The following CELF4 variants were observed in gnomAD, a reference collection of about 807,000 sequenced individuals.
CELF4 encodes the protein CUG-BP- and ETR-3-like factor 4.
In CELF4, 18 loss-of-function variants were observed where a neutral mutation model predicts 59.9. The ratio of observed to expected loss-of-function variants is 0.30; its 90% CI spans 0.21 to 0.45. CELF4 has a LOEUF of 0.45. CELF4 is among the 20% of genes least tolerant of loss of function. The pLI, the probability that CELF4 is intolerant of heterozygous loss-of-function variation, is 1.00. For synonymous variants in CELF4, 261 were observed against 267.1 expected (o/e 0.98, Z 0.22); for missense variants, 456 against 689.0 (o/e 0.66, Z 3.79).
At chr18:37,558,906 G>C (rs1202259227) in intron 1 of CELF4, among the ~76,000 whole-genome samples, 1 of 151,780 alleles carries the variant, frequency 6.6e-6, no homozygotes, top group Non-Finnish European at 1.5e-5. Flanking sequence ...TGGGTGAAGG[G>C]AATTAGCTGC....
intron 3 of CELF4, among the ~76,000 whole-genome samples, chr18:37,307,569 T>A (rs543400906): frequency 1.3e-5 from 2 of 152,000 alleles, no homozygotes; most frequent in Non-Finnish European, 2.9e-5. Context: ...GTCAGTGGCA[T>A]CGGCCCCACT....
At chr18:37,483,120 G>A (rs955444128) in intron 2 of CELF4, among the ~76,000 whole-genome samples, 14 of 152,244 alleles carry the variant, frequency 9.2e-5, no homozygotes, top group Admixed American at 7.2e-4. Context: ...TATTTGGTTG[G>A]GTGAGAGCAT....
rs1233766145 is a variant in CELF4, at chr18:37,243,457, T to C, written c.*1785A>G. ...TGCAAATAAATTATAATAAATATGT[T>C]ATACTTTAAAATATATGTGTTCTTA... On this transcript the variant is annotated 3_prime_UTR_variant, in exon 13 of 13. Transcript: ENST00000420428. The C allele has an allele frequency of 1.3e-5, 2 of 152,180 alleles. No homozygotes were observed. The highest frequency in any genetic ancestry group is 2.9e-5 in the Non-Finnish European group (2 of 68,034). The allele number at this position is 152,180 out of a possible 1,614,324, so 9.4% of individuals were successfully genotyped here. A position where few individuals can be genotyped will look rare whatever the true frequency, so the allele number is the denominator to read the frequency against.
chr18:37,319,311 G>A (rs116803038), intron 3 of CELF4, among the ~76,000 whole-genome samples: 75 of 152,344 alleles, frequency 4.9e-4, no homozygotes, highest in African/African-American at 1.8e-3. Flanking sequence ...CTTCGCTCAC[G>A]TGGGCCCCTC....
intron 2 of CELF4, among the ~76,000 whole-genome samples, chr18:37,469,071 G>T (rs955461823): frequency 6.6e-6 from 1 of 152,236 alleles, no homozygotes; most frequent in African/African-American, 2.4e-5. Flanking sequence ...CCCAGCCTAG[G>T]GAAAGTGGGA....
intron 2 of CELF4, among the ~76,000 whole-genome samples, chr18:37,408,503 GC>G (rs61554851): frequency 0.35 from 10,817 of 30,784 alleles, 771 homozygotes; most frequent in East Asian, 0.5. Flanking sequence ...GGGGGGGGGC[GC>G]GGTGCAGGAG....
intron 2 of CELF4, among the ~76,000 whole-genome samples, chr18:37,344,213 A>G (rs2098164715): frequency 6.6e-6 from 1 of 152,222 alleles, no homozygotes; most frequent in Admixed American, 6.5e-5. Flanking sequence ...CCAGGTAAAA[A>G]CCAGATCATT....
intron 2 of CELF4, among the ~76,000 whole-genome samples, chr18:37,447,196 G>A (rs1407377555): frequency 6.6e-6 from 1 of 152,242 alleles, no homozygotes; most frequent in African/African-American, 2.4e-5. Flanking sequence ...CAAGGGCTCT[G>A]GAGCCCAGAA....
intron 3 of CELF4, among the ~76,000 whole-genome samples, chr18:37,282,339 G>C (rs375540968): frequency 1.2e-3 from 176 of 152,236 alleles, no homozygotes; most frequent in African/African-American, 4.0e-3. Context: ...GCCTCCACCA[G>C]GAGGTCTACA....
chr18:37,485,392 G>A (rs1357458228), intron 2 of CELF4, 133 bp downstream of exon 2: 3 of 197,812 alleles, frequency 1.5e-5, no homozygotes, highest in South Asian at 2.1e-4. Context: ...GGGGGGGCGC[G>A]CGGGCTCCCG....
At chr18:37,545,277 C>T (rs2099980675) in intron 1 of CELF4, among the ~76,000 whole-genome samples, 1 of 152,200 alleles carries the variant, frequency 6.6e-6, no homozygotes, top group South Asian at 2.1e-4. Flanking sequence ...ACCACCAGAT[C>T]TGTGCCTGAG....
At chr18:37,547,875 G>C (rs913535431) in intron 1 of CELF4, among the ~76,000 whole-genome samples, 1 of 152,012 alleles carries the variant, frequency 6.6e-6, no homozygotes, top group Non-Finnish European at 1.5e-5. Context: ...ATCTGGGTCC[G>C]TGTGTGTATC....
intron 2 of CELF4, among the ~76,000 whole-genome samples, chr18:37,444,652 A>ACACACACACACACACACACACG (rs71168259): frequency 1.5e-4 from 21 of 144,184 alleles, no homozygotes; most frequent in African/African-American, 5.2e-4. Flanking sequence ...ACACACACAC[A>ACACACACACACACACACACACG]CGCGAACGAT....
At chr18:37,565,296 G>T in intron 1 of CELF4, 60 bp downstream of exon 1, 3 of 1,456,850 alleles carry the variant, frequency 2.1e-6, no homozygotes, top group Non-Finnish European at 2.7e-6. Context: ...CCGGCCGGCC[G>T]GTCGGCCCGC....
rs114403514 is a variant in CELF4, at chr18:37,408,117, T to C, written c.369+77408A>G. On this transcript the variant is annotated intron_variant, in intron 2 of 12. Coordinates refer to ENST00000420428, the MANE Select transcript of CELF4 (RefSeq NM_020180.4). ...TAGCTCTGAATCACTGGATGCTAGC[T>C]CTGTCTACCTTTCCTCTTTCCCACC... 4.6e-3 allele frequency among the ~76,000 whole-genome samples: 708 copies of C among 152,312 alleles called. 9 individuals carry two copies. The highest frequency in any genetic ancestry group is 0.016 in the African/African-American group (676 of 41,560).
chr18:37,386,455 G>A (rs1483759305), intron 2 of CELF4, among the ~76,000 whole-genome samples: 10 of 152,100 alleles, frequency 6.6e-5, no homozygotes. Context: ...GCTTGAGGGA[G>A]AACCAGCTTG....
At chr18:37,514,030 T>C (rs2099947740) in intron 1 of CELF4, among the ~76,000 whole-genome samples, 1 of 151,812 alleles carries the variant, frequency 6.6e-6, no homozygotes, top group Non-Finnish European at 1.5e-5. Flanking sequence ...AGGTGATGGC[T>C]CTACCAAGTC....
chr18:37,432,615 C>T (rs935571821), intron 2 of CELF4, among the ~76,000 whole-genome samples: 15 of 152,330 alleles, frequency 9.8e-5, no homozygotes, highest in Middle Eastern at 3.4e-3. Flanking sequence ...ACAACATATT[C>T]TCACTCATGT....
intron 2 of CELF4, among the ~76,000 whole-genome samples, chr18:37,399,908 C>G (rs1208125395): frequency 1.3e-5 from 2 of 152,192 alleles, no homozygotes. Flanking sequence ...GCTTCTCACC[C>G]AGGCAGATGA....
Sources: gnomAD v4.1 joint callset for allele counts (sites outside exome capture counted in the v4.1 genomes callset) on GRCh38, gnomAD v4.1.1 for gene constraint, MANE v1.5 for transcripts, NCBI Gene and HGNC (gene_info 2026-07-23, HGNC 2026-07-21) for gene names.